Variants in MYO1F observed in about 807,000 individuals in gnomAD.
MYO1F encodes myosin IF, also known as unconventional myosin-If.
Under a neutral mutation model 146.6 loss-of-function variants are expected in MYO1F, and 60 were observed. The ratio of observed to expected loss-of-function variants is 0.41; its 90% CI spans 0.33 to 0.51. MYO1F has a LOEUF of 0.51. Among genes scored for constraint, MYO1F ranks in the 20% least tolerant of loss-of-function variants. The pLI, the probability that MYO1F is intolerant of heterozygous loss-of-function variation, is 0.25. For synonymous variants in MYO1F, 602 were observed against 602.1 expected (o/e 1.00, Z 0.00); for missense variants, 1,274 against 1,534.3 (o/e 0.83, Z 2.83).
chr19:8,521,879 T>A (rs1972071701), intron 27 of MYO1F, among the ~76,000 whole-genome samples: 1 of 152,070 alleles, frequency 6.6e-6, no homozygotes, highest in Admixed American at 6.6e-5. Flanking sequence ...TGTCTCAAAC[T>A]CCTGACCTCA....
Position 8,523,312 on chromosome 19 carries a change from C to T in MYO1F, c.2855-483G>A, listed in dbSNP as rs187562391. The stretch of plus-strand genomic sequence containing the variant: ...CCTCCCAAAGTGCTGGGATTACAGG[C>T]ATGAGCCACCGCGCCTGGCCAATTA... On this transcript the variant is annotated intron_variant, in intron 25 of 27. Coordinates refer to ENST00000644032, the MANE Select transcript of MYO1F (RefSeq NM_012335.4). 1.2e-3 allele frequency among the ~76,000 whole-genome samples: 182 copies of T among 152,210 alleles called. 2 individuals carry two copies. The East Asian group carries it at 0.031, about 26-fold the overall frequency.
intron 1 of MYO1F, among the ~76,000 whole-genome samples, chr19:8,567,576 C>T (rs1344766358): frequency 2.6e-5 from 4 of 152,170 alleles, no homozygotes; most frequent in African/African-American, 9.6e-5. Context: ...ACGCTCATCT[C>T]GAACTCCCAA....
chr19:8,545,793 C>T (rs1973323011), intron 12 of MYO1F, 57 bp from the exon 13 acceptor site: 10 of 1,176,598 alleles, frequency 8.5e-6, no homozygotes, highest in Non-Finnish European at 1.3e-5. Flanking sequence ...GGCCACCCTT[C>T]CCCCCATGTC....
At position 8,530,405 on chromosome 19, in the gene MYO1F, G is replaced by C; in HGVS notation, c.2159-40C>G. 6.2e-7 allele frequency: 1 copy of C among 1,613,854 alleles called. No homozygotes were observed. Among genetic ancestry groups the C allele is most frequent in the Non-Finnish European group, 8.5e-7 (1 of 1,179,992 alleles). On this transcript the variant is annotated intron_variant, in intron 20 of 27. Transcript: ENST00000644032. The surrounding 1 kb of genome is among the most constrained non-coding windows in gnomAD (Gnocchi z 5.8). ...GGTGGAGGGCAGAGCTCCTGATACA[G>C]CTCCTCCAGGTCCTTGTGCCCCCAC... is the stretch of plus-strand genomic sequence containing the variant.
chr19:8,543,774 GTGC>G (rs1480965037), intron 14 of MYO1F, among the ~76,000 whole-genome samples: 4 of 10,562 alleles, frequency 3.8e-4, no homozygotes, highest in African/African-American at 1.1e-3. Context: ...GGTGCTGGTG[GTGC>G]TGGTGGTGCT....
intron 14 of MYO1F, among the ~76,000 whole-genome samples, chr19:8,542,330 A>G: frequency 1.6e-5 from 1 of 60,740 alleles, no homozygotes; most frequent in African/African-American, 6.9e-5. Flanking sequence ...TATAGCTCAG[A>G]TTGGTGGGTG....
intron 1 of MYO1F, among the ~76,000 whole-genome samples, chr19:8,561,726 T>C (rs979382727): frequency 1.3e-5 from 2 of 151,208 alleles, no homozygotes; most frequent in Non-Finnish European, 2.9e-5. Context: ...TCTTTTTTTT[T>C]GTTTGTTTGA....
intron 1 of MYO1F, chr19:8,576,990 T>C: frequency 1.8e-6 from 1 of 546,500 alleles, no homozygotes; most frequent in Non-Finnish European, 3.3e-6. Flanking sequence ...CTCCCTTAAT[T>C]TGCAAGCAAA....
At position 8,554,512 on chromosome 19, in the gene MYO1F, C is replaced by G; in HGVS notation, c.291G>C (p.Met97Ile). 1 of 1,613,372 alleles carries G rather than the reference C, an allele frequency of 6.2e-7. No individual in the cohort carries two copies. Among genetic ancestry groups the G allele is most frequent in the Non-Finnish European group, 8.5e-7 (1 of 1,179,576 alleles). ...YALTDNMYRN[M>I]LIDCENQCVI... is the part of the protein sequence containing the mutation. ...CACACTGGTTCTCACAGTCGATAAG[C>G]ATGTTCCGGTACATGTTGTCCGTGA... The change falls in exon 4 of 28, where the codon ATG becomes ATC. Residue 97 changes from methionine (M) to isoleucine (I), a missense_variant. Met to Ile is a conservative substitution (Grantham distance 10, BLOSUM62 1). Coordinates refer to ENST00000644032, the MANE Select transcript of MYO1F (RefSeq NM_012335.4).
At chr19:8,535,524 C>G (rs892415650) in intron 19 of MYO1F, among the ~76,000 whole-genome samples, 1 of 152,130 alleles carries the variant, frequency 6.6e-6, no homozygotes, top group African/African-American at 2.4e-5. Flanking sequence ...CCTGCCTCAG[C>G]CTCCCAAAGC....
At chr19:8,573,033 G>C (rs2042138712) in intron 1 of MYO1F, among the ~76,000 whole-genome samples, 1 of 152,244 alleles carries the variant, frequency 6.6e-6, no homozygotes, top group African/African-American at 2.4e-5. Context: ...TATTGGCCAG[G>C]TGTGGTGGCT....
In MYO1F at chr19:8,553,894, A is replaced by ACACACACACACACACACACACTCTCT; in HGVS notation, c.327-458_327-457insAGAGAGTGTGTGTGTGTGTGTGTGTG. ...CACACACACACACACACACACACAC[A>ACACACACACACACACACACACTCTCT]CTCTCTCTCTCTCTCTCTCTCTCTC... On this transcript the variant is annotated intron_variant, in intron 4 of 27. Coordinates refer to ENST00000644032, the MANE Select transcript of MYO1F (RefSeq NM_012335.4). 3.9e-3 allele frequency among the ~76,000 whole-genome samples: 398 copies of ACACACACACACACACACACACTCTCT among 102,536 alleles called. 1 individual carries two copies. The highest frequency in any genetic ancestry group is 9.3e-3 in the Middle Eastern group (2 of 214). 67.3% of individuals were successfully genotyped at this position (102,536 alleles called of 152,430 possible). A position where few individuals can be genotyped will look rare whatever the true frequency, so the allele number is the denominator to read the frequency against.
intron 25 of MYO1F, among the ~76,000 whole-genome samples, chr19:8,524,538 T>C (rs1418513805): frequency 6.8e-6 from 1 of 147,386 alleles, no homozygotes; most frequent in Non-Finnish European, 1.5e-5. Flanking sequence ...TGAGCCAAGA[T>C]CATGCCACTG....
chr19:8,545,863 T>C (rs1973327036), intron 12 of MYO1F, 127 bp from the exon 13 acceptor site: 2 of 757,278 alleles, frequency 2.6e-6, no homozygotes, highest in African/African-American at 1.7e-5. Flanking sequence ...CCGTCACTCC[T>C]ATGTGGGCAA....
intron 19 of MYO1F, among the ~76,000 whole-genome samples, chr19:8,533,720 T>C (rs1346910919): frequency 6.6e-6 from 1 of 152,162 alleles, no homozygotes; most frequent in Non-Finnish European, 1.5e-5. Flanking sequence ...TTTGGACTTC[T>C]GACCTGCGGA....
At chr19:8,526,023 CTTTG>C (rs1972251126) in intron 24 of MYO1F, among the ~76,000 whole-genome samples, 2 of 152,134 alleles carry the variant, frequency 1.3e-5, no homozygotes, top group Admixed American at 1.3e-4. Context: ...TGGTTGCGGC[CTTTG>C]TTTAAAAGTC....
intron 4 of MYO1F, 70 bp downstream of exon 4, chr19:8,554,407 C>T: frequency 2.2e-6 from 3 of 1,345,550 alleles, no homozygotes; most frequent in Non-Finnish European, 3.2e-6. Flanking sequence ...AGGCAAACCT[C>T]CCTGGGGGTG....
intron 11 of MYO1F, 26 bp from the exon 12 acceptor site, chr19:8,548,148 C>T: frequency 6.2e-7 from 1 of 1,613,464 alleles, no homozygotes; most frequent in South Asian, 1.1e-5. Context: ...AAGGGTCCTT[C>T]CCTCAATGTC....
intron 19 of MYO1F, among the ~76,000 whole-genome samples, chr19:8,531,295 T>A (rs113833574): frequency 6.6e-6 from 1 of 151,976 alleles, no homozygotes; most frequent in Non-Finnish European, 1.5e-5. Flanking sequence ...TGCGGTGAGC[T>A]GAGATTGTGC....
Sources: gnomAD v4.1 joint callset for allele counts (sites outside exome capture counted in the v4.1 genomes callset) on GRCh38, gnomAD v4.1.1 for gene constraint, Gnocchi (gnomAD v3.1) non-coding constraint, MANE v1.5 for transcripts, NCBI Gene and HGNC (gene_info 2026-07-23, HGNC 2026-07-21) for gene names.